ANGPTL6: variants seen among roughly 807,000 people sequenced by gnomAD.
ANGPTL6 encodes angiopoietin-related protein 6.
ANGPTL6 carries 45 observed loss-of-function variants against 47.4 expected under a neutral mutation model. The ratio of observed to expected loss-of-function variants is 0.95; its 90% confidence interval spans 0.75 to 1.22. ANGPTL6 has a LOEUF of 1.22. Ranked by LOEUF, ANGPTL6 falls within the 50% of genes most tolerant of loss-of-function variation. The pLI, the probability that ANGPTL6 is intolerant of heterozygous loss-of-function variation, is 0.00. For synonymous variants in ANGPTL6, 290 were observed against 295.9 expected (o/e 0.98, Z 0.20); for missense variants, 698 against 669.4 (o/e 1.04, Z -0.47).
intron 1 of ANGPTL6, among the ~76,000 whole-genome samples, chr19:10,099,829 CTCTCTCTCTCTCTCTTTCTCTCTT>C (rs1237570267): frequency 1.5e-5 from 2 of 133,176 alleles, no homozygotes; most frequent in East Asian, 2.9e-4. Flanking sequence ...CTGTCTCTCC[CTCTCTCTCTCTCTCTTTCTCTCTT>C]TCTCTCTCTC....
chr19:10,106,154 C>A (rs1440831856), upstream of ANGPTL6: 3 of 656,826 alleles, frequency 4.6e-6, no homozygotes, highest in Non-Finnish European at 7.4e-6. Context: ...GGATTCGAAC[C>A]GGCGGATTCG....
At chr19:10,104,481 C>A (rs1490735661), upstream of ANGPTL6, among the ~76,000 whole-genome samples, 1 of 152,056 alleles carries the variant, frequency 6.6e-6, no homozygotes, top group Non-Finnish European at 1.5e-5. Flanking sequence ...AAGCCAAGCA[C>A]ACCAGCTTGT....
chr19:10,098,173 C>G (rs1006849707), intron 1 of ANGPTL6, among the ~76,000 whole-genome samples: 8 of 152,122 alleles, frequency 5.3e-5, no homozygotes, highest in Admixed American at 5.2e-4. Context: ...TGTGACCCAC[C>G]ATGCCCTGCT....
upstream of ANGPTL6, chr19:10,102,708 C>T (rs76589705): frequency 8.1e-6 from 8 of 984,722 alleles, no homozygotes; most frequent in East Asian, 7.9e-4. Flanking sequence ...GGCTTGGTAA[C>T]CACTCCCCAG....
chr19:10,102,754 C>T, upstream of ANGPTL6: 1 of 984,564 alleles, frequency 1.0e-6, no homozygotes, highest in South Asian at 4.7e-5. Flanking sequence ...GGATGCTGGG[C>T]CCAGGAGCCC....
chr19:10,093,843 G>A lies in ANGPTL6; in HGVS notation c.801C>T (p.Gly267=), dbSNP rs771328533. The A allele has an allele frequency of 1.2e-5, 19 of 1,611,752 alleles. No individual in the cohort carries two copies. In the South Asian group the frequency reaches 2.0e-4, roughly 17 times the overall value. ...GTTCATACACTCCACTCTGTTCATG[G>A]CCTGCCTGGCGGGCCTCTGCACAAT... ...WQDCAEARQA[G]HEQSGVYELR... The change falls in exon 4 of 6, where the codon GGC becomes GGT. Residue 267 remains glycine (G), a synonymous_variant. Transcript: ENST00000253109.
At chr19:10,100,017 A>G (rs1396169674) in intron 1 of ANGPTL6, among the ~76,000 whole-genome samples, 14 of 149,512 alleles carry the variant, frequency 9.4e-5, no homozygotes, top group East Asian at 6.2e-4. Flanking sequence ...GCGCCACCAC[A>G]CCCAGCTAAT....
At position 10,102,625 on chromosome 19, in the gene ANGPTL6, G is replaced by A; in HGVS notation, c.-68C>T. 2.0e-6 allele frequency: 2 copies of A among 984,734 alleles called. No homozygotes were observed. The highest frequency in any genetic ancestry group is 2.4e-6 in the Non-Finnish European group (2 of 829,450). 61.0% of individuals were successfully genotyped at this position (984,734 alleles called of 1,614,324 possible). ...CTCACAGAACACACAAGAAGTCCAA[G>A]GAAGAGCCGAGGGTCCAGTGGGGCC... is the stretch of plus-strand genomic sequence containing the variant. On this transcript the variant is annotated 5_prime_UTR_variant, in exon 1 of 6. Coordinates refer to ENST00000253109, the MANE Select transcript of ANGPTL6 (RefSeq NM_031917.3).
rs780461920 is a variant in ANGPTL6 at position 10,094,898 on chromosome 19, C to G, written c.623G>C (p.Arg208Pro). The change falls in exon 3 of 6, where the codon CGT becomes CCT. Residue 208 changes from arginine to proline, a missense_variant. Coordinates refer to ENST00000253109, the MANE Select transcript of ANGPTL6 (RefSeq NM_031917.3). ...GGTGTCACTGGTGCTACCCACAAGACGGACCGGAACCACAGGCACCAGTGG... is the reference window on the plus strand; with the variant it reads ...GGTGTCACTGGTGCTACCCACAAGAGGGACCGGAACCACAGGCACCAGTGG... ...PPPLVPVVPVRLVGSTSDTSR... is the reference protein window; with the variant it reads ...PPPLVPVVPVPLVGSTSDTSR... 1 of 1,613,240 alleles carries G rather than the reference C, an allele frequency of 6.2e-7. No homozygotes were observed. Among genetic ancestry groups the G allele is most frequent in the Non-Finnish European group, 8.5e-7 (1 of 1,179,594 alleles).
At chr19:10,106,072 C>T (rs965949597), upstream of ANGPTL6, among the ~76,000 whole-genome samples, 2 of 152,244 alleles carry the variant, frequency 1.3e-5, no homozygotes, top group South Asian at 2.1e-4. Flanking sequence ...ATCAGCCTTA[C>T]TTTGGGATAT....
upstream of ANGPTL6, among the ~76,000 whole-genome samples, chr19:10,105,066 C>A (rs2088783545): frequency 6.6e-6 from 1 of 152,196 alleles, no homozygotes; most frequent in South Asian, 2.1e-4. Flanking sequence ...GTCCAAAGGC[C>A]CCACCGACGA....
chr19:10,099,516 G>T (rs111484317), intron 1 of ANGPTL6, among the ~76,000 whole-genome samples: 7 of 143,010 alleles, frequency 4.9e-5, no homozygotes, highest in African/African-American at 1.8e-4. Context: ...GGCAGAGCTT[G>T]CAGTGAGCCG....
Position 10,096,198 on chromosome 19 carries a change from C to CGCCCCGG in ANGPTL6, c.359_365dup (p.Gly123ArgfsTer92). The stretch of plus-strand genomic sequence containing the variant: ...CCGCCCCCAGATCCGCCCCCGGGCC[C>CGCCCCGG]GCCCCGGGCCCCGCCTCGTGCTGCA... On this transcript the variant is annotated frameshift_variant, in exon 2 of 6. Coordinates refer to ENST00000253109, the MANE Select transcript of ANGPTL6 (RefSeq NM_031917.3). LOFTEE classifies it high-confidence loss of function. 7 of 1,231,304 alleles carry CGCCCCGG rather than the reference C, an allele frequency of 5.7e-6. No homozygotes were observed. Among genetic ancestry groups the CGCCCCGG allele is most frequent in the Non-Finnish European group, 7.1e-6 (7 of 987,166 alleles). 76.3% of individuals were successfully genotyped at this position (1,231,304 alleles called of 1,614,324 possible).
In ANGPTL6 at chr19:10,092,452, C is replaced by T. The variant is rs1405512892; in HGVS notation, c.*137G>A. ...GGGGATTCCTGGGTCCCATTTTCAGCGCCCAGGGTCACAGATCCACAGTGG... is the reference window on the plus strand; with the variant it reads ...GGGGATTCCTGGGTCCCATTTTCAGTGCCCAGGGTCACAGATCCACAGTGG... On this transcript the variant is annotated 3_prime_UTR_variant, in exon 6 of 6. Transcript: ENST00000253109. The T allele has an allele frequency of 1.3e-5, 19 of 1,511,564 alleles. No individual in the cohort carries two copies. Among genetic ancestry groups the T allele is most frequent in the East Asian group, 4.6e-5 (2 of 43,610 alleles). 93.6% of individuals were successfully genotyped at this position (1,511,564 alleles called of 1,614,324 possible). A position where few individuals can be genotyped will look rare whatever the true frequency, so the allele number is the denominator to read the frequency against.
upstream of ANGPTL6, chr19:10,102,822 C>T: frequency 1.0e-6 from 1 of 960,128 alleles, no homozygotes; most frequent in Non-Finnish European, 1.2e-6. Context: ...GCCAGACCCC[C>T]CTGCCCAGGC....
In ANGPTL6 at chr19:10,096,511, G is replaced by A. The variant is rs1212946575; in HGVS notation, c.53C>T (p.Ser18Leu). ...GCGCGGGGCGCCCGCCCGCGCCCAC[G>A]ACGCGCCCAGCAGGAGCAGCAGCTG... ...ALQLLLLLGA[S>L]WARAGAPRCT... The change falls in exon 2 of 6, where the codon TCG (serine) becomes TTG (leucine). Residue 18 changes from serine to leucine, a missense_variant. Ser to Leu is a moderately radical substitution (Grantham distance 145). Coordinates refer to ENST00000253109, the MANE Select transcript of ANGPTL6 (RefSeq NM_031917.3). 1.5e-5 allele frequency: 22 copies of A among 1,513,090 alleles called. No individual in the cohort carries two copies. Among genetic ancestry groups the A allele is most frequent in the Non-Finnish European group, 1.8e-5 (21 of 1,137,606 alleles). 93.7% of individuals were successfully genotyped at this position (1,513,090 alleles called of 1,614,324 possible).
At chr19:10,097,794 G>A (rs554673266) in intron 1 of ANGPTL6, among the ~76,000 whole-genome samples, 12 of 152,096 alleles carry the variant, frequency 7.9e-5, no homozygotes, top group African/African-American at 2.2e-4. Context: ...CAGAGCTTGC[G>A]GTGAGCCGAG....
At chr19:10,103,624 T>TAAATAAATAAATA (rs35700641), upstream of ANGPTL6, among the ~76,000 whole-genome samples, 16 of 126,082 alleles carry the variant, frequency 1.3e-4, no homozygotes, top group Admixed American at 1.6e-4. Flanking sequence ...AATAAATAAA[T>TAAATAAATAAATA]AATAAATAAA....
chr19:10,093,063 A>T, intron 5 of ANGPTL6: 1 of 491,912 alleles, frequency 2.0e-6, no homozygotes. Context: ...TTATCAAAGA[A>T]AAGTATCTAC....
Sources: allele counts gnomAD v4.1 joint callset (sites outside exome capture counted in the v4.1 genomes callset), GRCh38; gene constraint gnomAD v4.1.1; transcripts MANE v1.5; gene names NCBI Gene and HGNC (gene_info 2026-07-23, HGNC 2026-07-21).